FRMD5: variants seen among roughly 807,000 people sequenced by gnomAD.
The protein encoded by FRMD5 is FERM domain-containing protein 5.
Under a neutral mutation model 69.0 loss-of-function variants are expected in FRMD5, and 20 were observed. The observed-to-expected ratio is 0.29, with a 90% CI of 0.20 to 0.42. FRMD5 has a LOEUF of 0.42. Among genes scored for constraint, FRMD5 ranks in the 10% least tolerant of loss-of-function variants. FRMD5 has a pLI of 1.00. For missense variants in FRMD5, 595 were observed against 708.6 expected (o/e 0.84, Z 1.82); for synonymous variants, 271 against 260.1 (o/e 1.04, Z -0.40).
At chr15:44,107,972 T>G (rs987061972) in intron 1 of FRMD5, among the ~76,000 whole-genome samples, 4 of 152,206 alleles carry the variant, frequency 2.6e-5, no homozygotes, top group Non-Finnish European at 5.9e-5. Context: ...GGTTTGGATT[T>G]TGTTAAGTAG....
intron 1 of FRMD5, among the ~76,000 whole-genome samples, chr15:44,008,089 A>ATTTTT (rs35785368): frequency 2.9e-4 from 18 of 62,818 alleles, no homozygotes; most frequent in African/African-American, 7.5e-4. Context: ...ACAATCGGCA[A>ATTTTT]TTTTTTTTTT....
intron 1 of FRMD5, among the ~76,000 whole-genome samples, chr15:44,090,903 A>G (rs758465450): frequency 6.6e-6 from 1 of 152,170 alleles, no homozygotes; most frequent in Non-Finnish European, 1.5e-5. Context: ...TCTTTCCATT[A>G]CTAAAGCCTG....
intron 1 of FRMD5, among the ~76,000 whole-genome samples, chr15:44,023,106 C>A (rs1020617870): frequency 1.3e-5 from 2 of 152,078 alleles, no homozygotes; most frequent in East Asian, 3.9e-4. Context: ...CAAGGGGACA[C>A]AAAAAGCCCC....
chr15:44,060,549 T>A (rs1483366261), intron 1 of FRMD5, among the ~76,000 whole-genome samples: 1 of 152,162 alleles, frequency 6.6e-6, no homozygotes, highest in East Asian at 1.9e-4. Flanking sequence ...AATATTCCCT[T>A]CAAAATTAAA....
intron 13 of FRMD5, chr15:43,879,970 C>T: frequency 4.5e-6 from 1 of 223,734 alleles, no homozygotes; most frequent in Admixed American, 5.8e-5. Flanking sequence ...GTAATGCTTC[C>T]TTGGCCTGCA....
At chr15:44,140,167 A>G (rs2077247957) in intron 1 of FRMD5, among the ~76,000 whole-genome samples, 2 of 152,168 alleles carry the variant, frequency 1.3e-5, no homozygotes, top group Admixed American at 1.3e-4. Context: ...AGACATTTAT[A>G]AAAATTTACT....
intron 1 of FRMD5, among the ~76,000 whole-genome samples, chr15:44,032,068 C>T (rs1891707878): frequency 6.6e-6 from 1 of 152,144 alleles, no homozygotes; most frequent in Non-Finnish European, 1.5e-5. Context: ...ACCATCTGAT[C>T]TTCAACAAAG....
intron 7 of FRMD5, among the ~76,000 whole-genome samples, chr15:43,893,802 G>A (rs1021397473): frequency 3.9e-5 from 6 of 152,138 alleles, no homozygotes; most frequent in African/African-American, 7.2e-5. Context: ...CTGATTGGTC[G>A]CAAGAACAGT....
intron 1 of FRMD5, among the ~76,000 whole-genome samples, chr15:43,979,410 G>A (rs2090514689): frequency 6.6e-6 from 1 of 152,138 alleles, no homozygotes; most frequent in East Asian, 1.9e-4. Context: ...CACTCTTATA[G>A]GCAGATATTG....
chr15:44,076,197 T>C (rs1217374624), intron 1 of FRMD5, among the ~76,000 whole-genome samples: 7 of 152,008 alleles, frequency 4.6e-5, no homozygotes, highest in African/African-American at 1.2e-4. Context: ...AGTTCAACCA[T>C]TGTGGAAGTC....
intron 1 of FRMD5, among the ~76,000 whole-genome samples, chr15:43,933,384 A>G (rs2089708162): frequency 6.6e-6 from 1 of 152,184 alleles, no homozygotes; most frequent in Admixed American, 6.5e-5. Context: ...AATCACCTGG[A>G]GGGCTTGTTA....
At chr15:43,888,760 G>A (rs1352626162) in intron 9 of FRMD5, 49 bp downstream of exon 9, 4 of 1,511,566 alleles carry the variant, frequency 2.6e-6, no homozygotes, top group Non-Finnish European at 3.7e-6. Context: ...CCACCAGGAA[G>A]CATCCCATCA....
At chr15:43,954,745 T>C (rs907236201) in intron 1 of FRMD5, among the ~76,000 whole-genome samples, 1 of 152,240 alleles carries the variant, frequency 6.6e-6, no homozygotes, top group South Asian at 2.1e-4. Context: ...GAGCAATCCA[T>C]GCCCTTTAAT....
At chr15:44,041,234 C>A (rs1892178353) in intron 1 of FRMD5, among the ~76,000 whole-genome samples, 1 of 152,164 alleles carries the variant, frequency 6.6e-6, no homozygotes, top group Middle Eastern at 3.4e-3. Context: ...GACTTAGACT[C>A]CCACACAATG....
chr15:44,128,431 C>T (rs1871996528), intron 1 of FRMD5, among the ~76,000 whole-genome samples: 2 of 152,150 alleles, frequency 1.3e-5, no homozygotes, highest in African/African-American at 4.8e-5. Context: ...GAGTCGAGAT[C>T]ATGCCATTGC....
chr15:43,944,592 G>C (rs932203770), intron 1 of FRMD5, among the ~76,000 whole-genome samples: 1 of 151,282 alleles, frequency 6.6e-6, no homozygotes, highest in Admixed American at 6.6e-5. Context: ...GCCACGACCA[G>C]CTAATTTTTT....
intron 1 of FRMD5, among the ~76,000 whole-genome samples, chr15:44,075,660 T>C (rs1006940025): frequency 1.3e-5 from 2 of 152,124 alleles, no homozygotes; most frequent in Admixed American, 1.3e-4. Context: ...CAGAGTTGCC[T>C]CCCCTGCATA....
intron 1 of FRMD5, among the ~76,000 whole-genome samples, chr15:43,941,141 C>A (rs757712921): frequency 1.2e-4 from 19 of 152,096 alleles, no homozygotes; most frequent in African/African-American, 1.4e-4. Context: ...GGCCAAGAAG[C>A]GGATTGCTTG....
chr15:43,907,080 G>A (rs933128880), intron 5 of FRMD5, among the ~76,000 whole-genome samples: 1 of 152,080 alleles, frequency 6.6e-6, no homozygotes, highest in Non-Finnish European at 1.5e-5. Context: ...CTTTTTCCAC[G>A]TGAAGCTCTC....
Sources: allele counts gnomAD v4.1 joint callset (sites outside exome capture counted in the v4.1 genomes callset), GRCh38; gene constraint gnomAD v4.1.1; transcripts MANE v1.5; gene names NCBI Gene and HGNC (gene_info 2026-07-23, HGNC 2026-07-21).